CCDC158: variants seen among roughly 807,000 people sequenced by gnomAD.
CCDC158 encodes coiled-coil domain containing 158, also known as coiled-coil domain-containing protein 158.
In CCDC158, 116 loss-of-function variants were observed where a neutral mutation model predicts 138.6. The observed-to-expected ratio is 0.84, with a 90% CI of 0.72 to 0.98. CCDC158 has a LOEUF of 0.98. Ranked by LOEUF, CCDC158 falls within the 50% of genes least tolerant of loss-of-function variation. CCDC158 has a pLI of 0.00. For missense variants in CCDC158, 1,265 were observed against 1,306.1 expected (o/e 0.97, Z 0.48); for synonymous variants, 436 against 442.4 (o/e 0.99, Z 0.18).
intron 18 of CCDC158, among the ~76,000 whole-genome samples, chr4:76,335,936 CT>C (rs1721443444): frequency 6.6e-6 from 1 of 151,750 alleles, no homozygotes; most frequent in African/African-American, 2.4e-5. Context: ...AATCCCAGCA[CT>C]TTGGGAGGCC....
Position 76,353,218 on chromosome 4 carries a change from C to A in CCDC158, c.2350G>T (p.Glu784Ter), listed in dbSNP as rs1236650132. 3.1e-6 allele frequency: 5 copies of A among 1,613,464 alleles called. No individual in the cohort carries two copies. The highest frequency in any genetic ancestry group is 4.2e-6 in the Non-Finnish European group (5 of 1,179,714). Reference protein sequence around the residue: ...LSQELSTVATEKNKMAGELEV... With the variant: ...LSQELSTVAT ...AACTCCCCAGCCATCTTGTTTTTTT[C>A]TGTGGCAACAGTACTCAATTCCTGA... Residue 784 changes from glutamate (E) to a stop codon, truncating the protein, a stop_gained, in exon 16 of 25, where the codon GAA (glutamate) becomes TAA (stop). Coordinates refer to ENST00000682701, the MANE Select transcript of CCDC158 (RefSeq NM_001394954.1). LOFTEE classifies it high-confidence loss of function.
chr4:76,387,183 A>G (rs1022734047), intron 4 of CCDC158, among the ~76,000 whole-genome samples: 3 of 152,024 alleles, frequency 2.0e-5, no homozygotes, highest in Admixed American at 6.6e-5. Context: ...CTGTTTGACG[A>G]GGGGAGAGCA....
chr4:76,377,254 C>T (rs1725805112), intron 9 of CCDC158, among the ~76,000 whole-genome samples: 1 of 152,142 alleles, frequency 6.6e-6, no homozygotes, highest in African/African-American at 2.4e-5. Flanking sequence ...ATAGCAGTTA[C>T]CAATCATGTA....
At chr4:76,415,685 T>G (rs1262610243) in intron 1 of CCDC158, among the ~76,000 whole-genome samples, 2 of 152,070 alleles carry the variant, frequency 1.3e-5, no homozygotes, top group Non-Finnish European at 2.9e-5. Context: ...CATACAGAGA[T>G]AGGAGCTGAG....
intron 3 of CCDC158, among the ~76,000 whole-genome samples, chr4:76,398,837 CAG>C (rs145723020): frequency 4.7e-5 from 7 of 149,210 alleles, no homozygotes; most frequent in South Asian, 2.1e-4. Context: ...GAGAAACATA[CAG>C]AGAGAGAGAG....
In CCDC158 at chr4:76,360,387, C is replaced by T. The variant is rs531856932; in HGVS notation, c.2020+1739G>A. Among the ~76,000 whole-genome samples the T allele has an allele frequency of 2.6e-5, 4 of 152,268 alleles. No individual in the cohort carries two copies. The East Asian group carries it at 7.7e-4, about 29-fold the overall frequency. ...GCCCAGTGGAGCTGTGAGAAGAGGGCCACTGTCCTCCAGACCCCAGAATGG... is the reference window on the plus strand; with the variant it reads ...GCCCAGTGGAGCTGTGAGAAGAGGGTCACTGTCCTCCAGACCCCAGAATGG... On this transcript the variant is annotated intron_variant, in intron 13 of 24. Coordinates refer to ENST00000682701, the MANE Select transcript of CCDC158 (RefSeq NM_001394954.1).
At chr4:76,315,638 T>C (rs1719310598) in intron 24 of CCDC158, among the ~76,000 whole-genome samples, 1 of 152,238 alleles carries the variant, frequency 6.6e-6, no homozygotes, top group Non-Finnish European at 1.5e-5. Context: ...TGTGAAAATA[T>C]CACTGCTAGC....
intron 24 of CCDC158, 80 bp downstream of exon 24, chr4:76,323,222 T>C: frequency 1.0e-6 from 1 of 999,258 alleles, no homozygotes; most frequent in South Asian, 1.5e-5. Flanking sequence ...TCAGCAGGTC[T>C]ATAGACAGGA....
chr4:76,382,588 C>T (rs1229848159), intron 8 of CCDC158, 22 bp downstream of exon 8: 2 of 1,368,690 alleles, frequency 1.5e-6, no homozygotes, highest in Admixed American at 3.4e-5. Context: ...AGATGAATGA[C>T]TAACAGTTTC....
At chr4:76,403,075 G>A in intron 3 of CCDC158, 63 bp downstream of exon 3, 1 of 1,146,716 alleles carries the variant, frequency 8.7e-7, no homozygotes, top group Non-Finnish European at 1.3e-6. Flanking sequence ...AGAAACAGCA[G>A]CTTGAATGAA....
rs145478968 is a variant in CCDC158, at chr4:76,404,019, G to C, written c.-73-739C>G. 2.8e-3 allele frequency among the ~76,000 whole-genome samples: 421 copies of C among 152,244 alleles called. 2 individuals carry two copies. The highest frequency in any genetic ancestry group is 9.2e-3 in the African/African-American group (382 of 41,552). On this transcript the variant is annotated intron_variant, in intron 2 of 24. Transcript: ENST00000682701. ...TTGGAACTTGATAGTCCATAGCCCT[G>C]ACAATGGGGTAAGGGTTTGAAGAAG...
chr4:76,392,015 C>G (rs1003308982), intron 4 of CCDC158, among the ~76,000 whole-genome samples: 1 of 151,674 alleles, frequency 6.6e-6, no homozygotes, highest in Non-Finnish European at 1.5e-5. Context: ...AGCCCAGGAC[C>G]TGATGGCTTC....
At chr4:76,351,374 C>G (rs1217559499) in intron 17 of CCDC158, among the ~76,000 whole-genome samples, 1 of 151,992 alleles carries the variant, frequency 6.6e-6, no homozygotes, top group Non-Finnish European at 1.5e-5. Context: ...TATATTTGCA[C>G]TTAGGGTTTT....
chr4:76,346,901 T>A (rs1722603583), intron 18 of CCDC158, among the ~76,000 whole-genome samples: 2 of 152,154 alleles, frequency 1.3e-5, no homozygotes, highest in Admixed American at 1.3e-4. Flanking sequence ...GAAGAAGATA[T>A]TTATGAGGCC....
At chr4:76,378,124 A>G (rs1472579068) in intron 9 of CCDC158, among the ~76,000 whole-genome samples, 1 of 152,162 alleles carries the variant, frequency 6.6e-6, no homozygotes, top group Non-Finnish European at 1.5e-5. Flanking sequence ...TTCCATCCTT[A>G]TCTTAGCTTT....
At chr4:76,383,783 A>G in intron 6 of CCDC158, 45 bp from the exon 7 acceptor site, 4 of 1,362,990 alleles carry the variant, frequency 2.9e-6, no homozygotes, top group Non-Finnish European at 1.0e-6. Flanking sequence ...GGTAAATATA[A>G]GGCTTGGAAA....
chr4:76,349,561 A>G (rs1722866004), intron 18 of CCDC158, among the ~76,000 whole-genome samples: 1 of 152,094 alleles, frequency 6.6e-6, no homozygotes, highest in Non-Finnish European at 1.5e-5. Context: ...CCCAGCTACT[A>G]GGGAGGCTAA....
intron 18 of CCDC158, among the ~76,000 whole-genome samples, chr4:76,338,127 G>A (rs111760659): frequency 1.2e-4 from 18 of 152,236 alleles, no homozygotes; most frequent in African/African-American, 4.1e-4. Context: ...GATCTAGGTT[G>A]CACACTCCTT....
At chr4:76,320,536 AAACTATACT>A (rs1384755666) in intron 24 of CCDC158, among the ~76,000 whole-genome samples, 1 of 152,202 alleles carries the variant, frequency 6.6e-6, no homozygotes, top group African/African-American at 2.4e-5. Flanking sequence ...ACTTGACTTC[AAACTATACT>A]ACAAGGCTAT....
Sources: gnomAD v4.1 joint callset for allele counts (sites outside exome capture counted in the v4.1 genomes callset) on GRCh38, gnomAD v4.1.1 for gene constraint, MANE v1.5 for transcripts, NCBI Gene and HGNC (gene_info 2026-07-23, HGNC 2026-07-21) for gene names.